RBFOX1: variants seen among roughly 807,000 people sequenced by gnomAD.
The protein encoded by RBFOX1 is RNA binding fox-1 homolog 1.
A neutral mutation model predicts 57.7 loss-of-function variants in RBFOX1; 8 were observed. That is an observed-to-expected ratio of 0.14 (90% CI 0.08 to 0.25). The LOEUF is 0.25. RBFOX1 is among the 10% of genes least tolerant of loss of function. The probability of loss-of-function intolerance (pLI) is 1.00; values close to 1 mark genes in which losing one functional copy is unlikely to be tolerated. For synonymous variants in RBFOX1, 326 were observed against 222.4 expected (o/e 1.47, Z -4.15); for missense variants, 611 against 548.5 (o/e 1.11, Z -1.14).
intron 3 of RBFOX1, among the ~76,000 whole-genome samples, chr16:6,868,897 C>G (rs1458379489): frequency 2.6e-5 from 4 of 152,152 alleles, no homozygotes; most frequent in African/African-American, 9.7e-5. Flanking sequence ...TAGGTGGATG[C>G]TTGAAGTGAC....
intron 4 of RBFOX1, among the ~76,000 whole-genome samples, chr16:7,091,305 T>A (rs2060813342): frequency 6.6e-6 from 1 of 152,090 alleles, no homozygotes; most frequent in Non-Finnish European, 1.5e-5. Context: ...TTCCATTTAT[T>A]CACTGAAAAT....
intron 3 of RBFOX1, among the ~76,000 whole-genome samples, chr16:7,041,588 C>G (rs1245960758): frequency 1.3e-5 from 2 of 152,152 alleles, no homozygotes; most frequent in African/African-American, 4.8e-5. Flanking sequence ...GGAAGTTCTA[C>G]ATAGTGATAA....
intron 2 of RBFOX1, among the ~76,000 whole-genome samples, chr16:6,526,058 C>G (rs1217705172): frequency 2.0e-5 from 3 of 152,162 alleles, no homozygotes; most frequent in Admixed American, 6.5e-5. Context: ...GTTCTCATCA[C>G]TTACATGACC....
At chr16:7,025,534 A>T (rs1199654087) in intron 3 of RBFOX1, among the ~76,000 whole-genome samples, 1 of 152,030 alleles carries the variant, frequency 6.6e-6, no homozygotes, top group East Asian at 1.9e-4. Flanking sequence ...TGGTTCAAAC[A>T]CCTCTGACAA....
chr16:5,763,310 G>C (rs959888329), intron 3 of RBFOX1, among the ~76,000 whole-genome samples: 1 of 152,192 alleles, frequency 6.6e-6, no homozygotes, highest in Non-Finnish European at 1.5e-5. Flanking sequence ...ACACACACAA[G>C]AGCGCTCCTT....
intron 2 of RBFOX1, among the ~76,000 whole-genome samples, chr16:6,348,058 G>C (rs954914785): frequency 6.6e-6 from 1 of 152,208 alleles, no homozygotes. Flanking sequence ...GCTATCCTAA[G>C]TGTGGGAGGC....
intron 2 of RBFOX1, among the ~76,000 whole-genome samples, chr16:6,507,276 T>A (rs1002292998): frequency 2.0e-5 from 3 of 152,100 alleles, no homozygotes; most frequent in Non-Finnish European, 4.4e-5. Context: ...CCCATTTTCA[T>A]AGCAGCATGT....
chr16:5,762,003 T>G (rs11639667), intron 3 of RBFOX1, among the ~76,000 whole-genome samples: 3,281 of 152,222 alleles, frequency 0.022, 50 homozygotes, highest in Non-Finnish European at 0.034. Flanking sequence ...CACCTGCGCC[T>G]CCTTGGGCAG....
intron 4 of RBFOX1, among the ~76,000 whole-genome samples, chr16:5,879,778 G>A (rs1567662885): frequency 6.6e-6 from 1 of 152,174 alleles, no homozygotes; most frequent in Non-Finnish European, 1.5e-5. Flanking sequence ...CTATCCATCT[G>A]TTGACCTCGC....
At chr16:7,108,383 A>T (rs1269157157) in intron 4 of RBFOX1, among the ~76,000 whole-genome samples, 1 of 152,204 alleles carries the variant, frequency 6.6e-6, no homozygotes, top group Non-Finnish European at 1.5e-5. Flanking sequence ...GAAAACATGT[A>T]CAAGTTGAAG....
chr16:7,522,255 G>A (rs2077670024), intron 5 of RBFOX1, among the ~76,000 whole-genome samples: 1 of 152,190 alleles, frequency 6.6e-6, no homozygotes, highest in Non-Finnish European at 1.5e-5. Context: ...TTGAATTGGT[G>A]TTAATCAAGA....
At chr16:5,497,071 A>T (rs1402628525) in intron 2 of RBFOX1, among the ~76,000 whole-genome samples, 2 of 152,174 alleles carry the variant, frequency 1.3e-5, no homozygotes, top group Non-Finnish European at 2.9e-5. Context: ...TTATCCAGAC[A>T]ATGCTCCTTC....
At chr16:7,081,631 A>G (rs1457595091) in intron 4 of RBFOX1, among the ~76,000 whole-genome samples, 2 of 152,186 alleles carry the variant, frequency 1.3e-5, no homozygotes, top group African/African-American at 4.8e-5. Flanking sequence ...TCATCTCACT[A>G]CACCTGTGTT....
chr16:7,581,122 AC>A (rs2152844757), intron 6 of RBFOX1, among the ~76,000 whole-genome samples: 1 of 152,260 alleles, frequency 6.6e-6, no homozygotes, highest in South Asian at 2.1e-4. Context: ...TATGCATCTG[AC>A]ACAAAAGCAG....
chr16:6,101,479 A>T (rs147623106), intron 1 of RBFOX1, among the ~76,000 whole-genome samples: 2,713 of 151,986 alleles, frequency 0.018, 80 homozygotes, highest in African/African-American at 0.059. Context: ...AATTATTATT[A>T]TTATTTTATT....
chr16:6,078,374 A>T (rs1295533760), intron 1 of RBFOX1, among the ~76,000 whole-genome samples: 1 of 152,086 alleles, frequency 6.6e-6, no homozygotes, highest in Non-Finnish European at 1.5e-5. Context: ...AATAATTCAT[A>T]AATTTTCTTA....
Position 7,546,949 on chromosome 16 carries a change from T to G in RBFOX1, c.270+28560T>G, listed in dbSNP as rs1043351714. 2.2e-4 allele frequency among the ~76,000 whole-genome samples: 33 copies of G among 152,316 alleles called. 1 individual carries two copies. The highest frequency in any genetic ancestry group is 7.9e-4 in the African/African-American group (33 of 41,572). On this transcript the variant is annotated intron_variant, in intron 5 of 15. Transcript: ENST00000550418. ...TCAAAGAGTAAAAATGCACATTTTT[T>G]AAGGCTTTTGATAGTCAGATAAAAC...
At chr16:6,484,504 A>T (rs1289551244) in intron 2 of RBFOX1, among the ~76,000 whole-genome samples, 1 of 152,142 alleles carries the variant, frequency 6.6e-6, no homozygotes, top group Non-Finnish European at 1.5e-5. Flanking sequence ...AAATGGGAGA[A>T]ATGTGCCTTG....
chr16:6,095,011 G>T (rs982816137), intron 1 of RBFOX1, among the ~76,000 whole-genome samples: 1 of 152,176 alleles, frequency 6.6e-6, no homozygotes, highest in Non-Finnish European at 1.5e-5. Context: ...AGTGACTTGA[G>T]ATGGCACCAC....
Sources: gnomAD v4.1 joint callset for allele counts (sites outside exome capture counted in the v4.1 genomes callset) on GRCh38, gnomAD v4.1.1 for gene constraint, MANE v1.5 for transcripts, NCBI Gene and HGNC (gene_info 2026-07-23, HGNC 2026-07-21) for gene names.